Variants in UBQLN4 observed in about 807,000 individuals in gnomAD.
UBQLN4 encodes ubiquilin-4.
In UBQLN4, 11 loss-of-function variants were observed where a neutral mutation model predicts 60.4. The observed-to-expected ratio is 0.18, with a 90% CI of 0.11 to 0.30. The LOEUF is 0.30. Ranked by LOEUF, UBQLN4 falls within the 10% of genes least tolerant of loss-of-function variation. UBQLN4 has a pLI of 1.00. For missense variants in UBQLN4, 417 were observed against 795.5 expected, an observed-to-expected ratio of 0.52 and a Z score of 5.72; for synonymous variants, 258 against 313.1, an observed-to-expected ratio of 0.82 and a Z score of 1.86.
At chr1:156,034,582 C>T (rs1172140284), downstream of UBQLN4, among the ~76,000 whole-genome samples, 1 of 151,526 alleles carries the variant, frequency 6.6e-6, no homozygotes, top group Non-Finnish European at 1.5e-5. Context: ...AGGCGTGAGC[C>T]ACTGTGCCCA....
chr1:156,041,912 G>A lies in UBQLN4; in HGVS notation c.1426C>T (p.Leu476=), dbSNP rs1683577522. The change falls in exon 9 of 11, where the codon CTA becomes TTA. Residue 476 remains leucine, a synonymous_variant. Transcript: ENST00000368309. ...GGGGCCTCGGTCTGCAAGGTCTGTAGTCCCTGCTGGATCTGCAGCAATGCC... is the reference window on the plus strand; with the variant it reads ...GGGGCCTCGGTCTGCAAGGTCTGTAATCCCTGCTGGATCTGCAGCAATGCC... The part of the protein sequence containing the change: ...MQALLQIQQG[L]QTLQTEAPGL... 6.2e-7 allele frequency: 1 copy of A among 1,613,948 alleles called. No individual in the cohort carries two copies. Among genetic ancestry groups the A allele is most frequent in the East Asian group, 2.2e-5 (1 of 44,906 alleles).
intron 10 of UBQLN4, among the ~76,000 whole-genome samples, chr1:156,037,634 T>C (rs1272843124): frequency 1.3e-5 from 2 of 152,130 alleles, no homozygotes; most frequent in African/African-American, 2.4e-5. Context: ...CAAAACTGTG[T>C]AATAATATGG....
intron 10 of UBQLN4, among the ~76,000 whole-genome samples, chr1:156,040,082 C>T (rs1306555241): frequency 1.3e-5 from 2 of 151,916 alleles, no homozygotes; most frequent in South Asian, 2.1e-4. Flanking sequence ...TCACTAAGGC[C>T]CCCTGACTTG....
chr1:156,033,864 A>C (rs11582305), downstream of UBQLN4, among the ~76,000 whole-genome samples: 2 of 151,046 alleles, frequency 1.3e-5, no homozygotes, highest in African/African-American at 4.9e-5. Flanking sequence ...AACCAAAAAA[A>C]AAAAAACAAA....
At chr1:156,038,761 C>T (rs1683469850) in intron 10 of UBQLN4, among the ~76,000 whole-genome samples, 1 of 151,190 alleles carries the variant, frequency 6.6e-6, no homozygotes, top group African/African-American at 2.4e-5. Flanking sequence ...CCTGCCTTGG[C>T]CTCTCTAACT....
At position 156,050,245 on chromosome 1, in the gene UBQLN4, G is replaced by A. The variant is rs773006334; in HGVS notation, c.741+46C>T. The A allele has an allele frequency of 5.9e-6, 9 of 1,517,414 alleles. No individual in the cohort carries two copies. Among genetic ancestry groups the A allele is most frequent in the East Asian group, 2.3e-5 (1 of 43,244 alleles). 94.0% of individuals were successfully genotyped at this position (1,517,414 alleles called of 1,614,324 possible). A position where few individuals can be genotyped will look rare whatever the true frequency, so the allele number is the denominator to read the frequency against. ...AAGTAGGAAAGGCTGGGCAGGGCAC[G>A]GCTGGGCACCAGTGTCCTCCAGCTC... On this transcript the variant is annotated intron_variant, in intron 4 of 10. Transcript: ENST00000368309. The surrounding 1 kb of genome is among the most constrained non-coding windows in gnomAD (Gnocchi z 4.6).
Position 156,044,198 on chromosome 1 carries a change from A to C in UBQLN4, c.926T>G (p.Leu309Arg). ...EQFGNNPFSS[L>R]AGNSDSSSSQ... ...GGATGAGCTGTCGGAGTTCCCGGCC[A>C]GGGAAGAGAAGGGATTGTTGCCAAA... Residue 309 changes from leucine to arginine, a missense_variant, in exon 6 of 11, where the codon CTG (leucine) becomes CGG (arginine). Transcript: ENST00000368309. 1 of 1,566,410 alleles carries C rather than the reference A, an allele frequency of 6.4e-7. No homozygotes were observed. Among genetic ancestry groups the C allele is most frequent in the Middle Eastern group, 1.7e-4 (1 of 5,990 alleles).
intron 1 of UBQLN4, among the ~76,000 whole-genome samples, chr1:156,053,006 T>C (rs1269206650): frequency 6.6e-6 from 1 of 152,174 alleles, no homozygotes; most frequent in Non-Finnish European, 1.5e-5. Flanking sequence ...TGTGAAATTA[T>C]GGAGCGGCCA....
intron 7 of UBQLN4, 45 bp from the exon 8 acceptor site, chr1:156,042,281 C>A: frequency 6.5e-7 from 1 of 1,532,030 alleles, no homozygotes; most frequent in South Asian, 1.3e-5. Flanking sequence ...CCTTTTCACC[C>A]TAAGAATTCC....
Position 156,043,453 on chromosome 1 carries a change from G to A in UBQLN4, c.1127-540C>T, listed in dbSNP as rs113596234. On this transcript the variant is annotated intron_variant, in intron 6 of 10. Coordinates refer to ENST00000368309, the MANE Select transcript of UBQLN4 (RefSeq NM_020131.5). ...TTCCAGTCCTTACTTTACAAATAAG[G>A]AAACTAAAACACACAGAGGGAAGGA... Among the ~76,000 whole-genome samples the A allele has an allele frequency of 7.5e-3, 1,145 of 152,170 alleles. 19 individuals are homozygous for A. Among genetic ancestry groups the A allele is most frequent in the African/African-American group, 0.027 (1,109 of 41,502 alleles).
At chr1:156,043,947 A>G (rs780780282) in intron 6 of UBQLN4, 51 bp downstream of exon 6, 24 of 1,583,776 alleles carry the variant, frequency 1.5e-5, no homozygotes, top group African/African-American at 1.3e-4. Context: ...GTCCTGGGAC[A>G]GAGGGGCTGC....
Position 156,050,704 on chromosome 1 carries a change from T to G in UBQLN4, c.479-151A>C. On this transcript the variant is annotated intron_variant, in intron 3 of 10. Transcript: ENST00000368309. The surrounding 1 kb of genome is among the most constrained non-coding windows in gnomAD (Gnocchi z 4.6). Reference sequence around the variant, plus strand: ...CCACAGCCCGGCCCTGATCCACTGCTGGCAAAAAAATGTGAGCCTACTAGA... The same window carrying G: ...CCACAGCCCGGCCCTGATCCACTGCGGGCAAAAAAATGTGAGCCTACTAGA... 7.9e-7 allele frequency: 1 copy of G among 1,267,448 alleles called. No individual in the cohort carries two copies. Among genetic ancestry groups the G allele is most frequent in the Non-Finnish European group, 1.1e-6 (1 of 943,714 alleles). 78.5% of individuals were successfully genotyped at this position (1,267,448 alleles called of 1,614,324 possible). A position where few individuals can be genotyped will look rare whatever the true frequency, so the allele number is the denominator to read the frequency against.
At chr1:156,032,513 GAAAA>G (rs201947466), downstream of UBQLN4, among the ~76,000 whole-genome samples, 1 of 119,038 alleles carries the variant, frequency 8.4e-6, no homozygotes, top group Non-Finnish European at 1.7e-5. Context: ...CTCCGTCTCA[GAAAA>G]AAAAAAAAAA....
In UBQLN4 at chr1:156,048,361, T is replaced by C. The variant is rs965735217; in HGVS notation, c.900+140A>G. The stretch of plus-strand genomic sequence containing the variant: ...ATGGACCATCCCCGGATATGTACTG[T>C]TGAGAACTGCCTTCAAGCCAAGGCC... On this transcript the variant is annotated intron_variant, in intron 5 of 10. Coordinates refer to ENST00000368309, the MANE Select transcript of UBQLN4 (RefSeq NM_020131.5). This position sits in a 1 kb window ranked among gnomAD's most constrained non-coding sequence, Gnocchi z 4.9. 3.4e-5 allele frequency: 34 copies of C among 990,422 alleles called. No individual in the cohort carries two copies. Among genetic ancestry groups the C allele is most frequent in the East Asian group, 2.6e-5 (1 of 37,810 alleles). The allele number at this position is 990,422 out of a possible 1,614,324, so 61.4% of individuals were successfully genotyped here.
chr1:156,053,526 A>G, intron 1 of UBQLN4, 68 bp downstream of exon 1: 3 of 1,023,656 alleles, frequency 2.9e-6, no homozygotes, highest in Non-Finnish European at 3.7e-6. Context: ...CCGGACCGTC[A>G]GAGAGGCCCC....
chr1:156,038,735 G>A (rs1683469317), intron 10 of UBQLN4, among the ~76,000 whole-genome samples: 2 of 151,928 alleles, frequency 1.3e-5, no homozygotes, highest in Admixed American at 6.6e-5. Flanking sequence ...TGCCCAGGCT[G>A]GTCTCAAGTG....
At chr1:156,052,975 G>A (rs1292721244) in intron 1 of UBQLN4, among the ~76,000 whole-genome samples, 2 of 152,154 alleles carry the variant, frequency 1.3e-5, no homozygotes, top group African/African-American at 4.8e-5. Context: ...CAACCAGATG[G>A]CCTATCTTAA....
rs1245150723 is a variant in UBQLN4 at position 156,050,649 on chromosome 1, G to A, written c.479-96C>T. 2 of 1,451,910 alleles carry A rather than the reference G, an allele frequency of 1.4e-6. No homozygotes were observed. Among genetic ancestry groups the A allele is most frequent in the Admixed American group, 2.7e-5 (1 of 37,716 alleles). 89.9% of individuals were successfully genotyped at this position (1,451,910 alleles called of 1,614,324 possible). On this transcript the variant is annotated intron_variant, in intron 3 of 10. Transcript: ENST00000368309. This position sits in a 1 kb window ranked among gnomAD's most constrained non-coding sequence, Gnocchi z 4.6. Reference sequence around the variant, plus strand: ...CAGATCTCCAGGACACGCCCCAAATGCTTCTCACATGTCCCTCTTCCTGTC... The same window carrying A: ...CAGATCTCCAGGACACGCCCCAAATACTTCTCACATGTCCCTCTTCCTGTC...
chr1:156,048,689 C>A lies in UBQLN4; in HGVS notation c.742-30G>T. The A allele has an allele frequency of 1.2e-6, 2 of 1,602,398 alleles. No homozygotes were observed. The highest frequency in any genetic ancestry group is 1.7e-6 in the Non-Finnish European group (2 of 1,170,528). ...TCAAGGGAGAGAGACAAAATGGGCC[C>A]CGGAACCAGGGGAGCACCAACCTAG... On this transcript the variant is annotated intron_variant, in intron 4 of 10. Coordinates refer to ENST00000368309, the MANE Select transcript of UBQLN4 (RefSeq NM_020131.5). This position sits in a 1 kb window ranked among gnomAD's most constrained non-coding sequence, Gnocchi z 4.9.
Sources: allele counts gnomAD v4.1 joint callset (sites outside exome capture counted in the v4.1 genomes callset), GRCh38; gene constraint gnomAD v4.1.1; non-coding constraint Gnocchi (gnomAD v3.1); transcripts MANE v1.5; gene names NCBI Gene and HGNC (gene_info 2026-07-23, HGNC 2026-07-21).